Variants in TRNAU1AP observed in about 807,000 individuals in gnomAD.
TRNAU1AP encodes tRNA selenocysteine 1-associated protein 1.
Under a neutral mutation model 43.3 loss-of-function variants are expected in TRNAU1AP, and 33 were observed. That is an observed-to-expected ratio of 0.76 (90% CI 0.58 to 1.02). TRNAU1AP has a LOEUF of 1.02. Among genes scored for constraint, TRNAU1AP ranks in the 50% least tolerant of loss-of-function variants. TRNAU1AP has a pLI of 0.00. For synonymous variants in TRNAU1AP, 143 were observed against 129.1 expected (o/e 1.11, Z -0.73); for missense variants, 290 against 362.7 (o/e 0.80, Z 1.63).
intron 4 of TRNAU1AP, 93 bp downstream of exon 4, chr1:28,561,491 G>C: frequency 7.0e-7 from 1 of 1,430,284 alleles, no homozygotes; most frequent in Non-Finnish European, 9.8e-7. Flanking sequence ...GGCTGCACTT[G>C]GTTCCCTCCT....
At chr1:28,564,293 G>T (rs1034688963) in intron 4 of TRNAU1AP, among the ~76,000 whole-genome samples, 1 of 152,118 alleles carries the variant, frequency 6.6e-6, no homozygotes, top group Non-Finnish European at 1.5e-5. Flanking sequence ...TTTAATTTTC[G>T]CTAGGCTTTA....
rs771469792 is a variant in TRNAU1AP, at chr1:28,577,644, A to G, written c.*8A>G. 6 of 1,612,430 alleles carry G rather than the reference A, an allele frequency of 3.7e-6. No individual in the cohort carries two copies. The highest frequency in any genetic ancestry group is 1.7e-5 in the Admixed American group (1 of 59,564). On this transcript the variant is annotated 3_prime_UTR_variant, in exon 9 of 9. Transcript: ENST00000373830. ...ATCCCTGCCATGATGTAGCCAGGCC[A>G]AAGGACAAGCCAGGTTGCATGATGT...
At chr1:28,567,247 G>A (rs1665561573) in intron 5 of TRNAU1AP, 47 bp from the exon 6 acceptor site, 2 of 1,600,636 alleles carry the variant, frequency 1.2e-6, no homozygotes. Flanking sequence ...TCCATTCTTA[G>A]ACTTTAATCA....
At chr1:28,570,821 T>C (rs1665647779) in intron 6 of TRNAU1AP, among the ~76,000 whole-genome samples, 2 of 152,140 alleles carry the variant, frequency 1.3e-5, no homozygotes, top group Non-Finnish European at 2.9e-5. Context: ...CTCCCAGCAC[T>C]TTGGGAGGCT....
chr1:28,553,787 G>C (rs774002510), intron 2 of TRNAU1AP, 50 bp downstream of exon 2: 32 of 1,491,610 alleles, frequency 2.1e-5, no homozygotes, highest in Non-Finnish European at 3.0e-5. Context: ...CAGCTGTCAT[G>C]TACGAGAATG....
At chr1:28,568,248 C>T (rs756192140) in intron 6 of TRNAU1AP, among the ~76,000 whole-genome samples, 20 of 152,186 alleles carry the variant, frequency 1.3e-4, no homozygotes, top group South Asian at 2.1e-4. Context: ...AGAAAATCTT[C>T]TTCCCTTACA....
At chr1:28,557,613 A>G (rs1427275092) in intron 2 of TRNAU1AP, among the ~76,000 whole-genome samples, 1 of 151,486 alleles carries the variant, frequency 6.6e-6, no homozygotes, top group Non-Finnish European at 1.5e-5. Context: ...CTTTTGAGAC[A>G]GAGTCTTGCT....
intron 6 of TRNAU1AP, among the ~76,000 whole-genome samples, chr1:28,568,611 A>G (rs889849501): frequency 2.0e-5 from 3 of 152,066 alleles, no homozygotes; most frequent in African/African-American, 4.8e-5. Context: ...ATGATTTTCA[A>G]CTGGAGTGAT....
In TRNAU1AP at chr1:28,567,321, T is replaced by C. The variant is rs760951333; in HGVS notation, c.438T>C (p.Asp146=). 3.7e-6 allele frequency: 6 copies of C among 1,613,738 alleles called. No homozygotes were observed. The highest frequency in any genetic ancestry group is 5.1e-6 in the Non-Finnish European group (6 of 1,179,970). The change falls in exon 6 of 9, where the codon GAT becomes GAC. Residue 146 remains aspartate, a synonymous_variant. Coordinates refer to ENST00000373830, the MANE Select transcript of TRNAU1AP (RefSeq NM_017846.5). The part of the protein sequence containing the change: ...SKGYGFVKFT[D]ELEQKRALTE... ...GTTATGGTTTTGTGAAATTCACAGATGAACTGGAACAGAAGCGAGCCCTGA... is the reference window on the plus strand; with the variant it reads ...GTTATGGTTTTGTGAAATTCACAGACGAACTGGAACAGAAGCGAGCCCTGA...
chr1:28,564,493 T>C (rs1665493001), intron 4 of TRNAU1AP, among the ~76,000 whole-genome samples: 1 of 152,182 alleles, frequency 6.6e-6, no homozygotes, highest in South Asian at 2.1e-4. Flanking sequence ...ACAAGTTCTG[T>C]GGAGTGGGTG....
chr1:28,577,548 AAC>A lies in TRNAU1AP; in HGVS notation c.778_779del (p.Gln260GlufsTer2), dbSNP rs767150934. On this transcript the variant is annotated frameshift_variant, in exon 9 of 9. Coordinates refer to ENST00000373830, the MANE Select transcript of TRNAU1AP (RefSeq NM_017846.5). LOFTEE classifies it high-confidence loss of function. The stretch of plus-strand genomic sequence containing the variant: ...ACTGAGGCCAACAAGGAGTTCATGG[AAC>A]AGAGTGAGGAGCTGTATGACGCTCT... The A allele has an allele frequency of 1.2e-6, 2 of 1,614,128 alleles. No individual in the cohort carries two copies. The highest frequency in any genetic ancestry group is 2.2e-5 in the South Asian group (2 of 91,078).
intron 2 of TRNAU1AP, among the ~76,000 whole-genome samples, chr1:28,557,676 C>T (rs969568000): frequency 3.3e-5 from 5 of 151,846 alleles, no homozygotes; most frequent in Non-Finnish European, 7.4e-5. Context: ...GCAATCTGCA[C>T]CTCTCGGGTT....
rs549035192 is a variant in TRNAU1AP at position 28,566,775 on chromosome 1, A to G, written c.411-519A>G. ...ACTCCATCTCAAAAAAAAAAAAAAA[A>G]AGAGAGAGAAAATGCTCTGCGCAGT... On this transcript the variant is annotated intron_variant, in intron 5 of 8. Coordinates refer to ENST00000373830, the MANE Select transcript of TRNAU1AP (RefSeq NM_017846.5). Among the ~76,000 whole-genome samples, 933 of 151,658 alleles carry G rather than the reference A, an allele frequency of 6.2e-3. 11 individuals are homozygous for G. Among genetic ancestry groups the G allele is most frequent in the African/African-American group, 0.02 (844 of 41,214 alleles).
chr1:28,557,111 C>A (rs1157435312), intron 2 of TRNAU1AP, among the ~76,000 whole-genome samples: 2 of 151,684 alleles, frequency 1.3e-5, no homozygotes, highest in Non-Finnish European at 2.9e-5. Context: ...CTGGGACCAA[C>A]CTTACTGTTT....
Position 28,571,412 on chromosome 1 carries a change from G to C in TRNAU1AP, c.693+74G>C, listed in dbSNP as rs1032551920. Reference sequence around the variant, plus strand: ...TAGAAACAGGTCATTCTCTAGGATGGGATTGGTAAGGACAGGGGCTTGGGC... The same window carrying C: ...TAGAAACAGGTCATTCTCTAGGATGCGATTGGTAAGGACAGGGGCTTGGGC... On this transcript the variant is annotated intron_variant, in intron 7 of 8. Coordinates refer to ENST00000373830, the MANE Select transcript of TRNAU1AP (RefSeq NM_017846.5). 2.0e-6 allele frequency: 3 copies of C among 1,488,278 alleles called. No homozygotes were observed. The African/African-American group carries it at 4.1e-5, about 21-fold the overall frequency. The allele number at this position is 1,488,278 out of a possible 1,614,324, so 92.2% of individuals were successfully genotyped here.
intron 6 of TRNAU1AP, among the ~76,000 whole-genome samples, chr1:28,569,625 G>T (rs1299920740): frequency 6.6e-6 from 1 of 151,146 alleles, no homozygotes. Flanking sequence ...CCAGGAGGCA[G>T]AGCTTGCAGT....
intron 4 of TRNAU1AP, among the ~76,000 whole-genome samples, chr1:28,561,963 TCAGGAGGCTGAGG>T (rs1481177165): frequency 1.3e-5 from 2 of 150,174 alleles, no homozygotes; most frequent in Non-Finnish European, 2.9e-5. Flanking sequence ...TCCCAGCTAC[TCAGGAGGCTGAGG>T]CAGGAGGCTC....
At chr1:28,559,097 A>AGTCT (rs1482519279) in intron 2 of TRNAU1AP, among the ~76,000 whole-genome samples, 3 of 151,144 alleles carry the variant, frequency 2.0e-5, no homozygotes, top group African/African-American at 7.3e-5. Context: ...TTTGAGACAG[A>AGTCT]GTCTTGTTCT....
chr1:28,577,504 C>T lies in TRNAU1AP; in HGVS notation c.732C>T (p.Pro244=), dbSNP rs1665819799. Residue 244 remains proline, a synonymous_variant, in exon 9 of 9, where the codon CCC becomes CCT. Coordinates refer to ENST00000373830, the MANE Select transcript of TRNAU1AP (RefSeq NM_017846.5). ...EEVGDDALED[P]MPQLDVTEAN... ...CCATCCTTGCTTGCTTTCCAGACCC[C>T]ATGCCACAGCTGGATGTGACTGAGG... The T allele has an allele frequency of 6.2e-7, 1 of 1,613,842 alleles. No homozygotes were observed. The highest frequency in any genetic ancestry group is 8.5e-7 in the Non-Finnish European group (1 of 1,179,902).
Sources: gnomAD v4.1 joint callset for allele counts (sites outside exome capture counted in the v4.1 genomes callset) on GRCh38, gnomAD v4.1.1 for gene constraint, MANE v1.5 for transcripts, NCBI Gene and HGNC (gene_info 2026-07-23, HGNC 2026-07-21) for gene names.